CALCOCO2: variants seen among roughly 807,000 people sequenced by gnomAD.
CALCOCO2 encodes the protein calcium-binding and coiled-coil domain-containing protein 2.
In CALCOCO2, 42 loss-of-function variants were observed where a neutral mutation model predicts 62.5. The ratio of observed to expected loss-of-function variants is 0.67; its 90% CI spans 0.53 to 0.87. The LOEUF is 0.87. Ranked by LOEUF, CALCOCO2 falls within the 40% of genes least tolerant of loss-of-function variation. The probability of loss-of-function intolerance (pLI) is 0.00; values close to 1 mark genes in which losing one functional copy is unlikely to be tolerated. For synonymous variants in CALCOCO2, 167 were observed against 173.0 expected (o/e 0.97, Z 0.27); for missense variants, 456 against 515.0 (o/e 0.89, Z 1.11).
intron 12 of CALCOCO2, 48 bp from the exon 13 acceptor site, chr17:48,862,790 G>A (rs2143689221): frequency 6.5e-7 from 1 of 1,528,446 alleles, no homozygotes; most frequent in East Asian, 2.3e-5. Context: ...CCACATCTGT[G>A]CCACATATAG....
intron 11 of CALCOCO2, among the ~76,000 whole-genome samples, chr17:48,860,752 C>T (rs2040314921): frequency 6.6e-6 from 1 of 152,002 alleles, no homozygotes; most frequent in Non-Finnish European, 1.5e-5. Context: ...ACATACAAAG[C>T]TGAGGAAGCT....
rs59318856 is a variant in CALCOCO2, at chr17:48,857,497, C to CTTTTTTTTTTTTTTTTTTTTTTTTTTT, written c.1008+1333_1008+1334insTTTTTTTTTTTTTTTTTTTTTTTTTTT. Among the ~76,000 whole-genome samples, 36 of 38,440 alleles carry CTTTTTTTTTTTTTTTTTTTTTTTTTTT rather than the reference C, an allele frequency of 9.4e-4. 6 individuals are homozygous for CTTTTTTTTTTTTTTTTTTTTTTTTTTT. The East Asian group carries it at 0.012, about 13-fold the overall frequency. 25.2% of individuals were successfully genotyped at this position (38,440 alleles called of 152,430 possible). On this transcript the variant is annotated intron_variant, in intron 10 of 12. Transcript: ENST00000258947. ...CAGGCGTGAGCCACTGCACCCGGCCCTTTTTTTTTTTTTTTTTTTTTTTGA... is the reference window on the plus strand; with the variant it reads ...CAGGCGTGAGCCACTGCACCCGGCCCTTTTTTTTTTTTTTTTTTTTTTTTTTTTTTTTTTTTTTTTTTTTTTTTTTGA...
intron 1 of CALCOCO2, among the ~76,000 whole-genome samples, chr17:48,832,396 AAAAC>A (rs554536822): frequency 5.3e-4 from 80 of 152,372 alleles, no homozygotes; most frequent in African/African-American, 1.5e-3. Flanking sequence ...TCCGTCTCAA[AAAAC>A]AAACAAACAA....
At chr17:48,842,897 C>T (rs1459887135) in intron 2 of CALCOCO2, among the ~76,000 whole-genome samples, 1 of 151,898 alleles carries the variant, frequency 6.6e-6, no homozygotes, top group African/African-American at 2.4e-5. Context: ...CCTCAGCCTC[C>T]CAAATTAAAT....
At chr17:48,849,609 G>A (rs2040099736) in intron 5 of CALCOCO2, among the ~76,000 whole-genome samples, 1 of 151,988 alleles carries the variant, frequency 6.6e-6, no homozygotes, top group Admixed American at 6.6e-5. Flanking sequence ...AGGTTCAAGC[G>A]ATTCTCCTGC....
intron 8 of CALCOCO2, 57 bp from the exon 9 acceptor site, chr17:48,852,869 G>A: frequency 7.7e-7 from 1 of 1,291,312 alleles, no homozygotes; most frequent in Non-Finnish European, 1.1e-6. Flanking sequence ...CTTCCATGGT[G>A]TGTGTGTGCA....
intron 2 of CALCOCO2, among the ~76,000 whole-genome samples, chr17:48,843,658 C>A (rs2040005395): frequency 6.6e-6 from 1 of 152,216 alleles, no homozygotes; most frequent in East Asian, 1.9e-4. Flanking sequence ...GTTGAATCAT[C>A]AGACTAAAAG....
At chr17:48,835,747 TTTCTTTTC>T (rs1211399340) in intron 1 of CALCOCO2, among the ~76,000 whole-genome samples, 15 of 119,290 alleles carry the variant, frequency 1.3e-4, no homozygotes, top group African/African-American at 4.4e-4. Flanking sequence ...TTTCTTTTCT[TTTCTTTTC>T]TTTTTTTTTG....
intron 4 of CALCOCO2, 177 bp downstream of exon 4, chr17:48,848,632 T>A: frequency 1.5e-6 from 1 of 655,064 alleles, no homozygotes; most frequent in Non-Finnish European, 2.7e-6. Context: ...ACAAGACTCA[T>A]AACAATAAGT....
At chr17:48,862,220 G>T in intron 11 of CALCOCO2, 56 bp from the exon 12 acceptor site, 1 of 1,128,868 alleles carries the variant, frequency 8.9e-7, no homozygotes, top group Non-Finnish European at 1.4e-6. Flanking sequence ...GAACACAGTT[G>T]GAGAAGCTAG....
In CALCOCO2 at chr17:48,851,898, A is replaced by G. The variant is rs544637407; in HGVS notation, c.702+270A>G. 5.0e-4 allele frequency among the ~76,000 whole-genome samples: 76 copies of G among 152,200 alleles called. 1 individual carries two copies. The Middle Eastern group carries it at 0.017, about 34-fold the overall frequency. ...TGTAATCCCAGCACTTTGGGAGGCC[A>G]AGGCAGGTGGATCACCTGAGGTCAG... On this transcript the variant is annotated intron_variant, in intron 7 of 12. Transcript: ENST00000258947.
intron 10 of CALCOCO2, among the ~76,000 whole-genome samples, chr17:48,856,943 C>T (rs1278204793): frequency 6.7e-6 from 1 of 149,632 alleles, no homozygotes; most frequent in South Asian, 2.1e-4. Flanking sequence ...GGACTATAGG[C>T]ATATGCCACC....
chr17:48,849,506 A>C (rs2040097951), intron 5 of CALCOCO2, 129 bp downstream of exon 5: 1 of 806,996 alleles, frequency 1.2e-6, no homozygotes, highest in Non-Finnish European at 2.0e-6. Flanking sequence ...AACAGGCATT[A>C]GTTTTGTTTG....
At chr17:48,852,444 C>G in intron 7 of CALCOCO2, 62 bp from the exon 8 acceptor site, 2 of 1,451,898 alleles carry the variant, frequency 1.4e-6, no homozygotes, top group Non-Finnish European at 1.9e-6. Context: ...CGTTAAAAAG[C>G]ATTGTTCCTG....
chr17:48,844,952 A>G (rs964254092), intron 2 of CALCOCO2, among the ~76,000 whole-genome samples: 2 of 152,162 alleles, frequency 1.3e-5, no homozygotes, highest in African/African-American at 4.8e-5. Context: ...CCTGGCGAAC[A>G]TGGTGAAACC....
chr17:48,838,459 A>G (rs2039927765), intron 1 of CALCOCO2, among the ~76,000 whole-genome samples: 1 of 152,092 alleles, frequency 6.6e-6, no homozygotes, highest in Admixed American at 6.6e-5. Flanking sequence ...TAATGTCTGT[A>G]ATCCTAGCAC....
In CALCOCO2 at chr17:48,860,348, A is replaced by G. The variant is rs768534662; in HGVS notation, c.1043A>G (p.Tyr348Cys). 9 of 1,613,542 alleles carry G rather than the reference A, an allele frequency of 5.6e-6. No individual in the cohort carries two copies. Among genetic ancestry groups the G allele is most frequent in the African/African-American group, 1.3e-5 (1 of 74,924 alleles). The change falls in exon 11 of 13, where the codon TAC (tyrosine) becomes TGC (cysteine). Residue 348 changes from tyrosine to cysteine, a missense_variant. Tyr to Cys is a radical substitution (Grantham distance 194). Transcript: ENST00000258947. ...LKRENSRLLS[Y>C]MGLDFNSLPY... is the part of the protein sequence containing the mutation. ...AGGGAGAACAGCAGATTGCTCAGTTACATGGGTCTGGATTTTAATTCTTTG... is the reference window on the plus strand; with the variant it reads ...AGGGAGAACAGCAGATTGCTCAGTTGCATGGGTCTGGATTTTAATTCTTTG...
chr17:48,852,474 T>C, intron 7 of CALCOCO2, 32 bp from the exon 8 acceptor site: 1 of 1,590,878 alleles, frequency 6.3e-7, no homozygotes, highest in Non-Finnish European at 8.6e-7. Flanking sequence ...CCTTCTTTTA[T>C]ATCTTGGTTA....
At chr17:48,857,220 G>A (rs1255710520) in intron 10 of CALCOCO2, among the ~76,000 whole-genome samples, 3 of 146,002 alleles carry the variant, frequency 2.1e-5, no homozygotes, top group African/African-American at 7.6e-5. Context: ...TTTTTGAGAC[G>A]GAGTTTCACT....
Sources: allele counts gnomAD v4.1 joint callset (sites outside exome capture counted in the v4.1 genomes callset), GRCh38; gene constraint gnomAD v4.1.1; transcripts MANE v1.5; gene names NCBI Gene and HGNC (gene_info 2026-07-23, HGNC 2026-07-21).